CHAF1B: variants seen among roughly 807,000 people sequenced by gnomAD.
CHAF1B encodes chromatin assembly factor 1 subunit B, also known as CAF-1 subunit B.
Under a neutral mutation model 60.7 loss-of-function variants are expected in CHAF1B, and 10 were observed. The ratio of observed to expected loss-of-function variants is 0.16; its 90% CI spans 0.10 to 0.28. The LOEUF is 0.28. Among genes scored for constraint, CHAF1B ranks in the 10% least tolerant of loss-of-function variants. CHAF1B has a pLI of 1.00. For missense variants in CHAF1B, 558 were observed against 708.4 expected, an observed-to-expected ratio of 0.79 and a Z score of 2.41; for synonymous variants, 261 against 266.1, an observed-to-expected ratio of 0.98 and a Z score of 0.19.
intron 8 of CHAF1B, among the ~76,000 whole-genome samples, chr21:36,404,431 A>C (rs1169405179): frequency 6.9e-5 from 9 of 131,320 alleles, no homozygotes; most frequent in African/African-American, 8.8e-5. Flanking sequence ...TATTTTATTT[A>C]TTTATTAATT....
At chr21:36,393,419 G>A (rs1038976437) in intron 4 of CHAF1B, among the ~76,000 whole-genome samples, 2 of 141,916 alleles carry the variant, frequency 1.4e-5, no homozygotes, top group Non-Finnish European at 3.1e-5. Flanking sequence ...TTAGTAAAAA[G>A]TATTCAATTT....
intron 5 of CHAF1B, 40 bp downstream of exon 5, chr21:36,394,690 C>A: frequency 5.2e-5 from 61 of 1,181,748 alleles, no homozygotes; most frequent in Non-Finnish European, 6.6e-5. Context: ...AAGAAATATT[C>A]TAAGCATCTA....
chr21:36,390,826 T>A (rs1397685220), intron 3 of CHAF1B, among the ~76,000 whole-genome samples: 2 of 152,118 alleles, frequency 1.3e-5, no homozygotes, highest in African/African-American at 2.4e-5. Context: ...GGCTAATTTT[T>A]TTGATTTTTA....
At chr21:36,411,316 G>A (rs2086276426) in intron 10 of CHAF1B, 147 bp from the exon 11 acceptor site, 3 of 898,622 alleles carry the variant, frequency 3.3e-6, no homozygotes, top group African/African-American at 1.7e-5. Flanking sequence ...GTTTTGCCAT[G>A]TTGCTTAGGC....
rs2086122012 is a variant in CHAF1B, at chr21:36,394,570, A to G, written c.401A>G (p.Asp134Gly). Residue 134 changes from aspartate (D) to glycine (G), a missense_variant, in exon 5 of 14, where the codon GAT becomes GGT. Asp to Gly is a moderately conservative substitution (Grantham distance 94). This residue lies in a region of CHAF1B where 325 missense variants were observed against 493.5 expected (regional missense o/e 0.66). Coordinates refer to ENST00000314103, the MANE Select transcript of CHAF1B (RefSeq NM_005441.3). The stretch of plus-strand genomic sequence containing the variant: ...AGGGGCCACTTAGAAGATGTGTATG[A>G]TATTTGCTGGGCAACTGATGGGAAT... ...TLRGHLEDVY[D>G]ICWATDGNLM... 3.1e-6 allele frequency: 5 copies of G among 1,613,486 alleles called. No individual in the cohort carries two copies. Among genetic ancestry groups the G allele is most frequent in the East Asian group, 4.5e-5 (2 of 44,854 alleles).
At chr21:36,408,939 C>T (rs2086257058) in intron 9 of CHAF1B, 109 bp downstream of exon 9, 1 of 714,142 alleles carries the variant, frequency 1.4e-6, no homozygotes, top group Non-Finnish European at 2.4e-6. Flanking sequence ...ACTGCAACCT[C>T]TGCCTCCCGG....
At chr21:36,402,227 CT>C (rs1437541378) in intron 7 of CHAF1B, among the ~76,000 whole-genome samples, 1 of 152,108 alleles carries the variant, frequency 6.6e-6, no homozygotes, top group Non-Finnish European at 1.5e-5. Context: ...GGGAGGATTG[CT>C]TTGAGCCCAG....
At chr21:36,395,856 T>C (rs1019386003) in intron 5 of CHAF1B, among the ~76,000 whole-genome samples, 1 of 152,208 alleles carries the variant, frequency 6.6e-6, no homozygotes. Context: ...ACAACTCAAG[T>C]ACCTGGGTAG....
At chr21:36,401,374 A>C (rs1288860093) in intron 7 of CHAF1B, among the ~76,000 whole-genome samples, 1 of 135,834 alleles carries the variant, frequency 7.4e-6, no homozygotes, top group Non-Finnish European at 1.5e-5. Context: ...TATTATACAT[A>C]ATATATATTT....
intron 2 of CHAF1B, among the ~76,000 whole-genome samples, chr21:36,386,717 CT>C (rs976266144): frequency 2.0e-3 from 291 of 143,850 alleles, no homozygotes; most frequent in Middle Eastern, 0.01. Context: ...GAGCTGCTTT[CT>C]TTTTTTTTTT....
At position 36,416,676 on chromosome 21, in the gene CHAF1B, A is replaced by G. The variant is rs1428311943; in HGVS notation, c.*310A>G. ...TGAGTCCTCCCTGGCATCCTCGTGA[A>G]AGTGCACACACTTCATGGAGGGACT... is the stretch of plus-strand genomic sequence containing the variant. On this transcript the variant is annotated 3_prime_UTR_variant, in exon 14 of 14. Transcript: ENST00000314103. 1 of 234,330 alleles carries G rather than the reference A, an allele frequency of 4.3e-6. No homozygotes were observed. The highest frequency in any genetic ancestry group is 8.3e-6 in the Non-Finnish European group (1 of 120,308). The allele number at this position is 234,330 out of a possible 1,614,324, so 14.5% of individuals were successfully genotyped here.
chr21:36,408,654 G>C (rs2086255120), intron 8 of CHAF1B, 107 bp from the exon 9 acceptor site: 1 of 716,138 alleles, frequency 1.4e-6, no homozygotes, highest in Non-Finnish European at 2.5e-6. Flanking sequence ...TAACTGCAGG[G>C]GGAAGTATTT....
In CHAF1B at chr21:36,397,335, A is replaced by G. The variant is rs540270296; in HGVS notation, c.482-80A>G. 3.4e-5 allele frequency: 20 copies of G among 588,374 alleles called. No homozygotes were observed. In the South Asian group the frequency reaches 5.7e-4, roughly 17 times the overall value. The allele number at this position is 588,374 out of a possible 1,614,324, so 36.4% of individuals were successfully genotyped here. A position where few individuals can be genotyped will look rare whatever the true frequency, so the allele number is the denominator to read the frequency against. On this transcript the variant is annotated intron_variant, in intron 5 of 13. Coordinates refer to ENST00000314103, the MANE Select transcript of CHAF1B (RefSeq NM_005441.3). ...ATGCGTGGTAAAGGGAATAATATTT[A>G]AGTCATAGTTTATACTATTTGGGCT...
rs1307955546 is a variant in CHAF1B at position 36,412,918 on chromosome 21, A to G, written c.1096A>G (p.Thr366Ala). The change falls in exon 12 of 14, where the codon ACG becomes GCG. Residue 366 changes from threonine (T) to alanine (A), a missense_variant. Transcript: ENST00000314103. ...SDGAFLAISS[T>A]DGYCSFVTFE... Reference sequence around the variant, plus strand: ...TGGTGCCTTCCTGGCCATTTCTTCCACGGACGGTTACTGCTCATTTGTGAC... The same window carrying G: ...TGGTGCCTTCCTGGCCATTTCTTCCGCGGACGGTTACTGCTCATTTGTGAC... 1.2e-6 allele frequency: 2 copies of G among 1,614,110 alleles called. No homozygotes were observed. Among genetic ancestry groups the G allele is most frequent in the Non-Finnish European group, 1.7e-6 (2 of 1,180,006 alleles).
At chr21:36,404,889 G>A (rs1004780549) in intron 8 of CHAF1B, among the ~76,000 whole-genome samples, 3 of 151,372 alleles carry the variant, frequency 2.0e-5, no homozygotes, top group African/African-American at 4.9e-5. Context: ...GATTACAGGC[G>A]CCTGCCACCA....
At chr21:36,412,260 A>G (rs1202076463) in intron 11 of CHAF1B, among the ~76,000 whole-genome samples, 2 of 152,108 alleles carry the variant, frequency 1.3e-5, no homozygotes, top group African/African-American at 4.8e-5. Flanking sequence ...TGCCCAGGAC[A>G]GGGAAGTGCC....
chr21:36,414,272 A>G (rs2086300953), intron 12 of CHAF1B, among the ~76,000 whole-genome samples: 1 of 152,138 alleles, frequency 6.6e-6, no homozygotes. Flanking sequence ...GGGAAGGGGG[A>G]TGCAGAGGGG....
Position 36,399,511 on chromosome 21 carries a change from CT to C in CHAF1B, c.579-7del. The C allele has an allele frequency of 1.9e-6, 3 of 1,610,928 alleles. No individual in the cohort carries two copies. The Admixed American group carries it at 5.0e-5, about 27-fold the overall frequency. On this transcript the variant is annotated splice_polypyrimidine_tract_variant and intron_variant, in intron 6 of 13. Coordinates refer to ENST00000314103, the MANE Select transcript of CHAF1B (RefSeq NM_005441.3). The stretch of plus-strand genomic sequence containing the variant: ...CTAGAAGTGGTAAATCAGACATGTT[CT>C]TTCTTCAGGGTGCTGCGAGTATACA...
intron 5 of CHAF1B, among the ~76,000 whole-genome samples, chr21:36,396,864 C>T (rs2086144350): frequency 6.6e-6 from 1 of 152,098 alleles, no homozygotes; most frequent in Non-Finnish European, 1.5e-5. Context: ...AAACCTGTTT[C>T]ACCTTTAAAA....
Sources: allele counts gnomAD v4.1 joint callset (sites outside exome capture counted in the v4.1 genomes callset), GRCh38; gene constraint gnomAD v4.1.1; regional missense constraint gnomAD v4.1.1; transcripts MANE v1.5; gene names NCBI Gene and HGNC (gene_info 2026-07-23, HGNC 2026-07-21).